The following EPHA6 variants were observed in gnomAD, a reference collection of about 807,000 sequenced individuals.
The protein encoded by EPHA6 is EPH receptor A6.
A neutral mutation model predicts 112.0 loss-of-function variants in EPHA6; 50 were observed. That is an observed-to-expected ratio of 0.45 (90% CI 0.36 to 0.56). The LOEUF (loss-of-function observed/expected upper bound fraction) is 0.56, where lower values mean the gene tolerates loss of function less well. EPHA6 is among the 20% of genes least tolerant of loss of function. The pLI is 0.00. For synonymous variants in EPHA6, 529 were observed against 490.7 expected, an observed-to-expected ratio of 1.08 and a Z score of -1.03; for missense variants, 1,280 against 1,417.4, an observed-to-expected ratio of 0.90 and a Z score of 1.56.
intron 3 of EPHA6, among the ~76,000 whole-genome samples, chr3:97,026,794 G>T (rs938289048): frequency 6.6e-6 from 1 of 152,130 alleles, no homozygotes; most frequent in Non-Finnish European, 1.5e-5. Context: ...ATAGATGCTA[G>T]CGAGGTTGTG....
chr3:96,906,363 G>A (rs2038933722), intron 2 of EPHA6, among the ~76,000 whole-genome samples: 1 of 152,022 alleles, frequency 6.6e-6, no homozygotes, highest in Admixed American at 6.6e-5. Flanking sequence ...GTTCACTTAA[G>A]TTCAGGCTTT....
rs2082229525 is a variant in EPHA6, at chr3:97,323,690, A to G, written c.1606+79403A>G. 2.0e-5 allele frequency among the ~76,000 whole-genome samples: 3 copies of G among 152,152 alleles called. No individual in the cohort carries two copies. In the South Asian group the frequency reaches 6.2e-4, roughly 32 times the overall value. On this transcript the variant is annotated intron_variant, in intron 5 of 17. Coordinates refer to ENST00000389672, the MANE Select transcript of EPHA6 (RefSeq NM_001080448.3). Reference sequence around the variant, plus strand: ...ATAAAAAAATTTGAGGTCTGATAAAATTGTAAAACGTAAATGGTCTCTATT... The same window carrying G: ...ATAAAAAAATTTGAGGTCTGATAAAGTTGTAAAACGTAAATGGTCTCTATT...
At chr3:97,401,890 T>G (rs1341411863) in intron 5 of EPHA6, among the ~76,000 whole-genome samples, 2 of 151,972 alleles carry the variant, frequency 1.3e-5, no homozygotes, top group African/African-American at 2.4e-5. Context: ...TTCAAGAAAA[T>G]GTGTAATTTC....
chr3:96,918,308 G>A (rs4857231), intron 2 of EPHA6, among the ~76,000 whole-genome samples: 38,470 of 152,058 alleles, frequency 0.25, 9,108 homozygotes, highest in African/African-American at 0.6. Context: ...AAGTTTACAT[G>A]TTAAACTTTT....
rs539432780 is a variant in EPHA6, at chr3:97,457,293, AC to A, written c.1894+8564del. On this transcript the variant is annotated intron_variant, in intron 7 of 17. Transcript: ENST00000389672. ...GCGATGATATATAAATGTGGTTCTT[AC>A]GGGGAAAGGGTAGAAACACATGATG... is the stretch of plus-strand genomic sequence containing the variant. Among the ~76,000 whole-genome samples, 431 of 152,316 alleles carry A rather than the reference AC, an allele frequency of 2.8e-3. 4 individuals are homozygous for A. The highest frequency in any genetic ancestry group is 0.01 in the African/African-American group (420 of 41,574).
intron 5 of EPHA6, among the ~76,000 whole-genome samples, chr3:97,289,356 A>T (rs1201518791): frequency 6.6e-6 from 1 of 151,874 alleles, no homozygotes; most frequent in Non-Finnish European, 1.5e-5. Context: ...CCCATTGTTT[A>T]TTTGTATTGA....
intron 2 of EPHA6, among the ~76,000 whole-genome samples, chr3:96,942,715 G>C (rs1478131783): frequency 1.3e-5 from 2 of 152,204 alleles, no homozygotes. Context: ...GCTCATGCTG[G>C]GAGCTGTAGA....
intron 3 of EPHA6, among the ~76,000 whole-genome samples, chr3:97,205,082 A>T (rs2077681404): frequency 6.6e-6 from 1 of 152,112 alleles, no homozygotes; most frequent in African/African-American, 2.4e-5. Context: ...CACTTGTTTC[A>T]CAAAAGCACT....
chr3:97,166,333 C>T (rs1486848070), intron 3 of EPHA6, among the ~76,000 whole-genome samples: 4 of 147,116 alleles, frequency 2.7e-5, no homozygotes, highest in Non-Finnish European at 6.0e-5. Context: ...CCTTTGTAGT[C>T]AGGAAAGAAA....
chr3:97,740,102 CT>C (rs2035435972), intron 16 of EPHA6, among the ~76,000 whole-genome samples: 1 of 152,082 alleles, frequency 6.6e-6, no homozygotes, highest in Non-Finnish European at 1.5e-5. Flanking sequence ...TATTTTCCCA[CT>C]TTGTAGCTTG....
At chr3:97,541,501 T>C (rs557606891) in intron 11 of EPHA6, among the ~76,000 whole-genome samples, 2 of 152,278 alleles carry the variant, frequency 1.3e-5, no homozygotes, top group Admixed American at 1.3e-4. Flanking sequence ...CTATAGACTT[T>C]CATTCAGGTT....
chr3:97,538,352 T>C (rs1347790560), intron 11 of EPHA6, among the ~76,000 whole-genome samples: 1 of 152,120 alleles, frequency 6.6e-6, no homozygotes, highest in African/African-American at 2.4e-5. Flanking sequence ...TCCAAGTGAA[T>C]GGTTTCCATA....
chr3:97,221,249 G>T (rs1048620402), intron 3 of EPHA6, among the ~76,000 whole-genome samples: 2 of 137,842 alleles, frequency 1.5e-5, no homozygotes, highest in Non-Finnish European at 3.0e-5. Context: ...GTTGAAGGTT[G>T]TGGTGAGCCG....
chr3:97,626,697 A>G (rs2093859939), intron 13 of EPHA6, among the ~76,000 whole-genome samples: 1 of 151,846 alleles, frequency 6.6e-6, no homozygotes, highest in Non-Finnish European at 1.5e-5. Context: ...TACTGGCAGT[A>G]GTGTGCTAAA....
chr3:97,198,395 G>T (rs577184084), intron 3 of EPHA6, among the ~76,000 whole-genome samples: 2 of 152,186 alleles, frequency 1.3e-5, no homozygotes, highest in East Asian at 3.9e-4. Flanking sequence ...TTAGATTCAG[G>T]TTAGCTCCAT....
chr3:97,111,822 T>G (rs560830830), intron 3 of EPHA6, among the ~76,000 whole-genome samples: 22 of 152,240 alleles, frequency 1.4e-4, no homozygotes, highest in African/African-American at 5.3e-4. Flanking sequence ...ACTGAAGCAA[T>G]TAAAGCCCTA....
At chr3:97,613,583 G>A (rs2093738155) in intron 13 of EPHA6, among the ~76,000 whole-genome samples, 1 of 152,056 alleles carries the variant, frequency 6.6e-6, no homozygotes, top group Non-Finnish European at 1.5e-5. Flanking sequence ...GGATCCTTGG[G>A]GACATTCTTC....
chr3:97,130,770 A>G (rs950752477), intron 3 of EPHA6, among the ~76,000 whole-genome samples: 1 of 152,162 alleles, frequency 6.6e-6, no homozygotes, highest in Non-Finnish European at 1.5e-5. Context: ...TAACAAGACT[A>G]TGCCTATTCT....
intron 12 of EPHA6, among the ~76,000 whole-genome samples, chr3:97,594,884 T>A (rs566836381): frequency 6.9e-4 from 105 of 152,326 alleles, no homozygotes; most frequent in African/African-American, 2.2e-3. Context: ...ACTCACTTTC[T>A]GCCAATTGAT....
Sources: allele counts gnomAD v4.1 joint callset (sites outside exome capture counted in the v4.1 genomes callset), GRCh38; gene constraint gnomAD v4.1.1; transcripts MANE v1.5; gene names NCBI Gene and HGNC (gene_info 2026-07-23, HGNC 2026-07-21).